The following SP6 variants were observed in gnomAD, a reference collection of about 807,000 sequenced individuals.
SP6 encodes Sp6 transcription factor.
In SP6, 10 loss-of-function variants were observed where a neutral mutation model predicts 23.4. The ratio of observed to expected loss-of-function variants is 0.43; its 90% CI spans 0.26 to 0.72. The LOEUF is 0.72. SP6 is among the 30% of genes least tolerant of loss of function. The pLI, the probability that SP6 is intolerant of heterozygous loss-of-function variation, is 0.23. For synonymous variants in SP6, 238 were observed against 238.7 expected, an observed-to-expected ratio of 1.00 and a Z score of 0.03; for missense variants, 482 against 523.8, an observed-to-expected ratio of 0.92 and a Z score of 0.78.
the SP6 span, among the ~76,000 whole-genome samples, chr17:47,871,739 C>T: frequency 2.0e-5 from 3 of 152,148 alleles, no homozygotes; most frequent in Non-Finnish European, 4.4e-5. Flanking sequence ...CTGCCTCGGC[C>T]TCCCGAGTAG....
At chr17:47,875,314 G>A in the SP6 span, among the ~76,000 whole-genome samples, 1 of 152,162 alleles carries the variant, frequency 6.6e-6, no homozygotes, top group Admixed American at 6.5e-5. Flanking sequence ...CAGAATGCCT[G>A]AGTCCTTTGT....
chr17:47,847,589 C>G lies in SP6; in HGVS notation c.841G>C (p.Asp281His), dbSNP rs1053603215. 3 of 1,613,526 alleles carry G rather than the reference C, an allele frequency of 1.9e-6. No individual in the cohort carries two copies. The African/African-American group carries it at 4.0e-5, about 22-fold the overall frequency. Residue 281 changes from aspartate (D) to histidine (H), a missense_variant, in exon 2 of 2, where the codon GAC becomes CAC. Asp to His is a moderately conservative substitution (Grantham distance 81). Around this residue, in one of 3 missense-constraint regions of SP6, gnomAD observed 51 missense variants for 92.1 expected, o/e 0.55. Coordinates refer to ENST00000536300, the MANE Select transcript of SP6 (RefSeq NM_001258248.2). ...AGCCAGTTGCACACGAAGGGACGGT[C>G]GCCGCTGTGCCAGCGCAGGTGCGCC... is the stretch of plus-strand genomic sequence containing the variant. ...LKAHLRWHSG[D>H]RPFVCNWLFC...
At chr17:47,861,065 G>A in the SP6 span, among the ~76,000 whole-genome samples, 3 of 152,244 alleles carry the variant, frequency 2.0e-5, no homozygotes, top group Admixed American at 1.3e-4. Context: ...GGAGGGCAGT[G>A]CCCTGGAAAG....
chr17:47,864,499 C>T, the SP6 span: 5 of 151,458 alleles, frequency 3.3e-5, no homozygotes, highest in Non-Finnish European at 7.4e-5. Flanking sequence ...AAACTCCTGG[C>T]TTCAAGTGAT....
At chr17:47,859,280 G>A (rs1006203005), upstream of SP6, among the ~76,000 whole-genome samples, 3 of 152,106 alleles carry the variant, frequency 2.0e-5, no homozygotes, top group African/African-American at 4.8e-5. Context: ...TACCTTTGTC[G>A]AAATCATTTC....
upstream of SP6, among the ~76,000 whole-genome samples, chr17:47,853,733 C>A (rs2033978947): frequency 6.6e-6 from 1 of 152,160 alleles, no homozygotes; most frequent in Non-Finnish European, 1.5e-5. Flanking sequence ...GGAATTCCAC[C>A]AGCAAAGACC....
Position 47,847,929 on chromosome 17 carries a change from G to T in SP6, c.501C>A (p.His167Gln), listed in dbSNP as rs1386414227. 3 of 1,567,946 alleles carry T rather than the reference G, an allele frequency of 1.9e-6. No homozygotes were observed. Among genetic ancestry groups the T allele is most frequent in the South Asian group, 2.3e-5 (2 of 86,184 alleles). Reference protein sequence around the residue: ...GDHQLCAPPPHPHAHHLLPAA... With the variant: ...GDHQLCAPPPQPHAHHLLPAA... ...CTGGAAGGAGGTGGTGCGCATGCGG[G>T]TGGGGTGGCGGGGCACAAAGCTGGT... Residue 167 changes from histidine to glutamine, a missense_variant, in exon 2 of 2, where the codon CAC (histidine) becomes CAA (glutamine). His to Gln is a conservative substitution (Grantham distance 24). Transcript: ENST00000536300.
At chr17:47,863,538 C>T in the SP6 span, 1 of 148,834 alleles carries the variant, frequency 6.7e-6, no homozygotes, top group Admixed American at 6.7e-5. Flanking sequence ...CATGATTTTT[C>T]AGTCCACTGG....
At chr17:47,858,053 G>A (rs2034011036), upstream of SP6, among the ~76,000 whole-genome samples, 1 of 152,064 alleles carries the variant, frequency 6.6e-6, no homozygotes, top group Non-Finnish European at 1.5e-5. Flanking sequence ...TTCGTCTCCA[G>A]TGCCTGGGCC....
chr17:47,868,979 C>A, the SP6 span, among the ~76,000 whole-genome samples: 1 of 152,226 alleles, frequency 6.6e-6, no homozygotes, highest in East Asian at 1.9e-4. Context: ...AAACCACACA[C>A]GGCACCAGAG....
At chr17:47,864,428 A>T in the SP6 span, 24,064 of 142,732 alleles carry the variant, frequency 0.17, 2,621 homozygotes, top group Non-Finnish European at 0.24. Flanking sequence ...ACATCCAGCT[A>T]ATTTTTAATT....
At chr17:47,862,033 A>T in the SP6 span, among the ~76,000 whole-genome samples, 1 of 146,210 alleles carries the variant, frequency 6.8e-6, no homozygotes, top group African/African-American at 2.6e-5. Context: ...AGACAGAATG[A>T]GACCCTGTCT....
chr17:47,867,829 T>C, the SP6 span, among the ~76,000 whole-genome samples: 2 of 152,162 alleles, frequency 1.3e-5, no homozygotes, highest in Non-Finnish European at 2.9e-5. Flanking sequence ...GAAGAATCTG[T>C]CTGAAGACTT....
upstream of SP6, among the ~76,000 whole-genome samples, chr17:47,857,577 T>C: frequency 6.6e-6 from 1 of 152,030 alleles, no homozygotes; most frequent in Non-Finnish European, 1.5e-5. Context: ...CCCTGGCCTC[T>C]GGATCAGTCA....
the SP6 span, among the ~76,000 whole-genome samples, chr17:47,869,921 T>A: frequency 6.6e-6 from 1 of 152,356 alleles, no homozygotes. Context: ...TAAACATTTT[T>A]ACATATCAAG....
upstream of SP6, among the ~76,000 whole-genome samples, chr17:47,852,849 G>A (rs1463371952): frequency 6.6e-6 from 1 of 152,180 alleles, no homozygotes; most frequent in Non-Finnish European, 1.5e-5. Flanking sequence ...TCTCCTGGGG[G>A]CTTAAAGGAA....
Position 47,847,676 on chromosome 17 carries a change from G to A in SP6, c.754C>T (p.His252Tyr), listed in dbSNP as rs747131493. ...PCGPDGGKKK[H>Y]LHNCHIPGCG... is the part of the protein sequence containing the mutation. ...CCCGGGATGTGGCAGTTGTGCAAAT[G>A]CTTCTTCTTGCCCCCATCGGGCCCA... The change falls in exon 2 of 2, where the codon CAT (histidine) becomes TAT (tyrosine). Residue 252 changes from histidine to tyrosine, a missense_variant. By Grantham distance (83) the His-to-Tyr change is moderately conservative (BLOSUM62 2). Coordinates refer to ENST00000536300, the MANE Select transcript of SP6 (RefSeq NM_001258248.2). 2.1e-5 allele frequency: 34 copies of A among 1,611,266 alleles called. No individual in the cohort carries two copies. Among genetic ancestry groups the A allele is most frequent in the Non-Finnish European group, 2.9e-5 (34 of 1,178,912 alleles).
the SP6 span, among the ~76,000 whole-genome samples, chr17:47,868,430 C>A: frequency 6.6e-6 from 1 of 152,180 alleles, no homozygotes; most frequent in Non-Finnish European, 1.5e-5. Flanking sequence ...GGGGACGACC[C>A]AAGTCTTGGA....
chr17:47,870,440 C>G, the SP6 span, among the ~76,000 whole-genome samples: 6 of 152,158 alleles, frequency 3.9e-5, no homozygotes, highest in Non-Finnish European at 7.3e-5. Context: ...GCTTCTTTCT[C>G]TCCACCCAGG....
Sources: gnomAD v4.1 joint callset for allele counts (sites outside exome capture counted in the v4.1 genomes callset) on GRCh38, gnomAD v4.1.1 for gene constraint, gnomAD v4.1.1 regional missense constraint, MANE v1.5 for transcripts, NCBI Gene and HGNC (gene_info 2026-07-23, HGNC 2026-07-21) for gene names.